The following ITPK1 variants were observed in gnomAD, a reference collection of about 807,000 sequenced individuals.
ITPK1 encodes inositol-tetrakisphosphate 1-kinase.
A neutral mutation model predicts 45.3 loss-of-function variants in ITPK1; 21 were observed. The observed-to-expected ratio is 0.46, with a 90% CI of 0.33 to 0.67. The LOEUF (loss-of-function observed/expected upper bound fraction) is 0.67. ITPK1 is among the 30% of genes least tolerant of loss of function. The probability of loss-of-function intolerance (pLI) is 0.02; values close to 1 mark genes in which losing one functional copy is unlikely to be tolerated. For missense variants in ITPK1, 474 were observed against 573.5 expected, an observed-to-expected ratio of 0.83 and a Z score of 1.77; for synonymous variants, 258 against 253.6, an observed-to-expected ratio of 1.02 and a Z score of -0.16.
chr14:93,033,991 CA>C (rs1265899010), intron 3 of ITPK1, among the ~76,000 whole-genome samples: 2 of 151,962 alleles, frequency 1.3e-5, no homozygotes, highest in Non-Finnish European at 2.9e-5. Flanking sequence ...TGGTGAGGGG[CA>C]GGGGTGAGGC....
At chr14:93,021,402 G>C (rs1888452184) in intron 3 of ITPK1, among the ~76,000 whole-genome samples, 1 of 152,058 alleles carries the variant, frequency 6.6e-6, no homozygotes, top group Non-Finnish European at 1.5e-5. Context: ...GACCAGCCTG[G>C]CCAACATGGT....
rs866719611 is a variant in ITPK1, at chr14:92,958,534, T to C, written c.505-168A>G. Among the ~76,000 whole-genome samples the C allele has an allele frequency of 3.9e-5, 6 of 152,132 alleles. No individual in the cohort carries two copies. Among genetic ancestry groups the C allele is most frequent in the Non-Finnish European group, 7.3e-5 (5 of 68,032 alleles). ...GAGCCAGGGTGAGTGGAGTGGGACT[T>C]GTGAAGAACACCTGGGGATGCATCC... On this transcript the variant is annotated intron_variant, in intron 7 of 10. Coordinates refer to ENST00000267615, the MANE Select transcript of ITPK1 (RefSeq NM_014216.6). This position sits in a 1 kb window ranked among gnomAD's most constrained non-coding sequence, Gnocchi z 4.4.
At chr14:93,105,667 G>C (rs529742201) in intron 2 of ITPK1, among the ~76,000 whole-genome samples, 1 of 150,620 alleles carries the variant, frequency 6.6e-6, no homozygotes, top group East Asian at 1.9e-4. Flanking sequence ...TGGGATTACA[G>C]GCACCCACCA....
intron 5 of ITPK1, among the ~76,000 whole-genome samples, chr14:92,983,820 T>TA (rs11444691): frequency 0.22 from 32,679 of 148,232 alleles, 3,918 homozygotes; most frequent in East Asian, 0.32. Flanking sequence ...CCAGTTTGTT[T>TA]AAAAAAAAAA....
intron 3 of ITPK1, among the ~76,000 whole-genome samples, chr14:93,058,217 T>C (rs562184354): frequency 5.4e-4 from 82 of 151,040 alleles, no homozygotes; most frequent in Admixed American, 3.4e-3. Context: ...AAATGAGCCA[T>C]GGGGTGATGG....
intron 3 of ITPK1, among the ~76,000 whole-genome samples, chr14:93,059,715 G>A (rs1241076490): frequency 6.5e-5 from 3 of 46,146 alleles, no homozygotes; most frequent in African/African-American, 2.0e-4. Context: ...GGGGTGGAGG[G>A]GGTGCGGGTC....
intron 5 of ITPK1, among the ~76,000 whole-genome samples, chr14:92,972,990 C>T (rs1885735889): frequency 6.6e-6 from 1 of 152,240 alleles, no homozygotes; most frequent in Non-Finnish European, 1.5e-5. Flanking sequence ...CCGTTCCATG[C>T]CTCACTTGGC....
intron 10 of ITPK1, among the ~76,000 whole-genome samples, chr14:92,942,570 G>A (rs1236699746): frequency 2.0e-5 from 3 of 152,184 alleles, no homozygotes; most frequent in Admixed American, 6.5e-5. Flanking sequence ...CATTCTCTGA[G>A]GATCACAGCC....
rs375199714 is a variant in ITPK1 at position 93,009,867 on chromosome 14, C to T, written c.246+6809G>A. Among the ~76,000 whole-genome samples the T allele has an allele frequency of 3.9e-5, 6 of 152,344 alleles. 1 individual carries two copies. The highest frequency in any genetic ancestry group is 3.3e-4 in the Admixed American group (5 of 15,300). On this transcript the variant is annotated intron_variant, in intron 4 of 10. Transcript: ENST00000267615. ...CCAACCCTCACACCACCCACAGTGC[C>T]ATCAGCTGTCACCAAAGCCCCTCCG...
chr14:92,994,495 G>C (rs1886952281), intron 4 of ITPK1, among the ~76,000 whole-genome samples: 1 of 152,198 alleles, frequency 6.6e-6, no homozygotes, highest in African/African-American at 2.4e-5. Flanking sequence ...ACTAGCTTTG[G>C]GGTAGGCACG....
chr14:92,952,452 G>A (rs1888001776), intron 8 of ITPK1, among the ~76,000 whole-genome samples: 1 of 152,190 alleles, frequency 6.6e-6, no homozygotes, highest in Admixed American at 6.5e-5. Context: ...CTCTTTTGGG[G>A]AACATGCTAG....
intron 3 of ITPK1, among the ~76,000 whole-genome samples, chr14:93,060,164 C>T (rs190539845): frequency 1.8e-3 from 272 of 152,184 alleles, no homozygotes; most frequent in Non-Finnish European, 3.4e-3. Context: ...AGAGCTTCTG[C>T]GACACTTTCT....
At position 92,941,352 on chromosome 14, in the gene ITPK1, C is replaced by G; in HGVS notation, c.*209G>C. The stretch of plus-strand genomic sequence containing the variant: ...CACAGTAGAGAGCAGGCGGACGGCC[C>G]CACTCCCCAACGGTGGACCACCTGG... On this transcript the variant is annotated 3_prime_UTR_variant, in exon 11 of 11. Coordinates refer to ENST00000267615, the MANE Select transcript of ITPK1 (RefSeq NM_014216.6). 2.1e-6 allele frequency: 3 copies of G among 1,411,456 alleles called. No homozygotes were observed. Among genetic ancestry groups the G allele is most frequent in the Non-Finnish European group, 2.8e-6 (3 of 1,090,602 alleles). 87.4% of individuals were successfully genotyped at this position (1,411,456 alleles called of 1,614,324 possible). A position where few individuals can be genotyped will look rare whatever the true frequency, so the allele number is the denominator to read the frequency against.
rs190948240 is a variant in ITPK1, at chr14:93,006,309, C to T, written c.246+10367G>A. Among the ~76,000 whole-genome samples the T allele has an allele frequency of 1.1e-4, 16 of 152,300 alleles. 1 individual carries two copies. The highest frequency in any genetic ancestry group is 3.3e-4 in the Admixed American group (5 of 15,302). ...GAGCAGACGCCAACAACAACCCATC[C>T]CCTCCCTGGTGAACAGAATGAATAT... On this transcript the variant is annotated intron_variant, in intron 4 of 10. Transcript: ENST00000267615.
intron 3 of ITPK1, among the ~76,000 whole-genome samples, chr14:93,028,126 G>A (rs887132839): frequency 2.6e-5 from 4 of 152,230 alleles, no homozygotes; most frequent in Non-Finnish European, 4.4e-5. Flanking sequence ...GCCACAGGAC[G>A]CGTCCTGGCC....
intron 10 of ITPK1, among the ~76,000 whole-genome samples, chr14:92,942,424 C>T (rs561244270): frequency 6.6e-6 from 1 of 152,302 alleles, no homozygotes; most frequent in African/African-American, 2.4e-5. Context: ...AAGGCTGCCG[C>T]CCAGGTGGAG....
At chr14:93,096,464 G>C (rs1474717228) in intron 2 of ITPK1, among the ~76,000 whole-genome samples, 8 of 152,222 alleles carry the variant, frequency 5.3e-5, no homozygotes, top group Non-Finnish European at 1.5e-5. Flanking sequence ...GCCATCACTT[G>C]GCCACATGCA....
At chr14:93,030,328 C>T (rs1185634244) in intron 3 of ITPK1, among the ~76,000 whole-genome samples, 1 of 152,242 alleles carries the variant, frequency 6.6e-6, no homozygotes, top group East Asian at 1.9e-4. Flanking sequence ...CTTCATGAAT[C>T]ACACACAAAA....
chr14:93,083,960 C>T (rs537570219), intron 2 of ITPK1, among the ~76,000 whole-genome samples: 5 of 152,302 alleles, frequency 3.3e-5, no homozygotes, highest in Middle Eastern at 3.4e-3. Context: ...TCAATGGTGG[C>T]CATCAAAGCC....
Sources: gnomAD v4.1 joint callset for allele counts (sites outside exome capture counted in the v4.1 genomes callset) on GRCh38, gnomAD v4.1.1 for gene constraint, Gnocchi (gnomAD v3.1) non-coding constraint, MANE v1.5 for transcripts, NCBI Gene and HGNC (gene_info 2026-07-23, HGNC 2026-07-21) for gene names.